RAB15: variants seen among roughly 807,000 people sequenced by gnomAD.
RAB15 encodes RAB15, member RAS oncogene family, also known as ras-related protein Rab-15.
In RAB15, 13 loss-of-function variants were observed where a neutral mutation model predicts 31.8. The ratio of observed to expected loss-of-function variants is 0.41; its 90% CI spans 0.27 to 0.65. The LOEUF (loss-of-function observed/expected upper bound fraction) is 0.65. RAB15 is among the 30% of genes least tolerant of loss of function. The pLI is 0.32. For synonymous variants in RAB15, 100 were observed against 105.6 expected (o/e 0.95, Z 0.33); for missense variants, 220 against 277.3 (o/e 0.79, Z 1.47).
In RAB15 at chr14:64,948,326, G is replaced by T. The variant is rs370219889; in HGVS notation, c.*28C>A. On this transcript the variant is annotated 3_prime_UTR_variant, in exon 7 of 7. Transcript: ENST00000533601. This position sits in a 1 kb window ranked among gnomAD's most constrained non-coding sequence, Gnocchi z 7.0. ...CCACGGGCCTCCTGAGGGAAGAGGG[G>T]TGTCGTGTGGGGTGCCCCACACAGG... The T allele has an allele frequency of 6.3e-4, 923 of 1,476,128 alleles. 5 individuals carry two copies. The African/African-American group carries it at 0.011, about 18-fold the overall frequency. 91.4% of individuals were successfully genotyped at this position (1,476,128 alleles called of 1,614,324 possible).
At position 64,953,041 on chromosome 14, in the gene RAB15, CAG is replaced by C. The variant is rs1229240278; in HGVS notation, c.125-472_125-471del. Among the ~76,000 whole-genome samples the C allele has an allele frequency of 6.6e-6, 1 of 152,198 alleles. No homozygotes were observed. Among genetic ancestry groups the C allele is most frequent in the East Asian group, 1.9e-4 (1 of 5,208 alleles). ...TAATAACCAGAAGGGGTCATAGTGC[CAG>C]ACTGTGGAGAGAGAGGAGGGCTCTT... On this transcript the variant is annotated intron_variant, in intron 1 of 6. Coordinates refer to ENST00000533601, the MANE Select transcript of RAB15 (RefSeq NM_001308154.2). The surrounding 1 kb of genome is among the most constrained non-coding windows in gnomAD (Gnocchi z 4.6).
chr14:64,960,692 G>A (rs1056260622), intron 1 of RAB15, among the ~76,000 whole-genome samples: 1 of 152,194 alleles, frequency 6.6e-6, no homozygotes, highest in Admixed American at 6.5e-5. Context: ...CAGCCGTCAA[G>A]CTCCCTTAGG....
intron 1 of RAB15, among the ~76,000 whole-genome samples, chr14:64,964,242 G>A (rs1042367722): frequency 2.6e-5 from 4 of 152,140 alleles, no homozygotes; most frequent in Admixed American, 2.0e-4. Context: ...CCCACTTTTA[G>A]GCCGGGCGTG....
At position 64,968,791 on chromosome 14, in the gene RAB15, C is replaced by T. The variant is rs1444484221; in HGVS notation, c.124+3162G>A. On this transcript the variant is annotated intron_variant, in intron 1 of 6. Transcript: ENST00000533601. The surrounding 1 kb of genome is among the most constrained non-coding windows in gnomAD (Gnocchi z 4.9). The stretch of plus-strand genomic sequence containing the variant: ...TATTTTGGGGACCCCTTCGCACCAA[C>T]CCCCAGCCAGGCCAGCACAGCTGCA... Among the ~76,000 whole-genome samples, 1 of 152,218 alleles carries T rather than the reference C, an allele frequency of 6.6e-6. No individual in the cohort carries two copies. The highest frequency in any genetic ancestry group is 2.4e-5 in the African/African-American group (1 of 41,454).
chr14:64,948,705 T>G lies in RAB15; in HGVS notation c.443A>C (p.Tyr148Ser). The G allele has an allele frequency of 6.2e-7, 1 of 1,614,114 alleles. No homozygotes were observed. Among genetic ancestry groups the G allele is most frequent in the Non-Finnish European group, 8.5e-7 (1 of 1,180,030 alleles). Residue 148 changes from tyrosine to serine, a missense_variant, in exon 6 of 7, where the codon TAT becomes TCT. Tyr to Ser is a moderately radical substitution (Grantham distance 144, BLOSUM62 -2). Transcript: ENST00000533601. This position sits in a 1 kb window ranked among gnomAD's most constrained non-coding sequence, Gnocchi z 7.0. Reference sequence around the variant, plus strand: ...GAGGTTGGTGCAGGCACTTGTTTCATAGAAGTCCATGCCATACTCCTTCGC... The same window carrying G: ...GAGGTTGGTGCAGGCACTTGTTTCAGAGAAGTCCATGCCATACTCCTTCGC... ...QLAKEYGMDFYETSACTNLNI... is the reference protein window; with the variant it reads ...QLAKEYGMDFSETSACTNLNI...
rs539526034 is a variant in RAB15, at chr14:64,971,548, T to C, written c.124+405A>G. On this transcript the variant is annotated intron_variant, in intron 1 of 6. Transcript: ENST00000533601. This position sits in a 1 kb window ranked among gnomAD's most constrained non-coding sequence, Gnocchi z 4.1. ...CACCACAGAACCAAGGGCGCCTCAGTGACTCCGGTCTCCACCCTGACCCCC... is the reference window on the plus strand; with the variant it reads ...CACCACAGAACCAAGGGCGCCTCAGCGACTCCGGTCTCCACCCTGACCCCC... 6.6e-6 allele frequency among the ~76,000 whole-genome samples: 1 copy of C among 151,428 alleles called. No homozygotes were observed. Among genetic ancestry groups the C allele is most frequent in the African/African-American group, 2.4e-5 (1 of 41,214 alleles).
rs999084922 is a variant in RAB15 at position 64,958,637 on chromosome 14, G to A, written c.125-6066C>T. Among the ~76,000 whole-genome samples, 3 of 152,250 alleles carry A rather than the reference G, an allele frequency of 2.0e-5. No individual in the cohort carries two copies. The highest frequency in any genetic ancestry group is 6.5e-5 in the Admixed American group (1 of 15,282). On this transcript the variant is annotated intron_variant, in intron 1 of 6. Transcript: ENST00000533601. The surrounding 1 kb of genome is among the most constrained non-coding windows in gnomAD (Gnocchi z 4.4). ...TAAGTCCAGATTCATCACCCCGACAGTGTCCCTACAAAACAGTCTACTTCC... is the reference window on the plus strand; with the variant it reads ...TAAGTCCAGATTCATCACCCCGACAATGTCCCTACAAAACAGTCTACTTCC...
rs908694533 is a variant in RAB15 at position 64,946,733 on chromosome 14, A to G, written c.*1621T>C. On this transcript the variant is annotated 3_prime_UTR_variant, in exon 7 of 7. Transcript: ENST00000533601. The stretch of plus-strand genomic sequence containing the variant: ...TTGGTTCTTAGTTGATGAATACTCA[A>G]CACCCAGTTCTTTGTTTTGGCTGCA... 1 of 152,300 alleles carries G rather than the reference A, an allele frequency of 6.6e-6. No individual in the cohort carries two copies. Among genetic ancestry groups the G allele is most frequent in the Admixed American group, 6.6e-5 (1 of 15,254 alleles). The allele number at this position is 152,300 out of a possible 1,614,324, so 9.4% of individuals were successfully genotyped here. A position where few individuals can be genotyped will look rare whatever the true frequency, so the allele number is the denominator to read the frequency against.
rs955609322 is a variant in RAB15 at position 64,953,088 on chromosome 14, G to A, written c.125-517C>T. Among the ~76,000 whole-genome samples, 1 of 152,144 alleles carries A rather than the reference G, an allele frequency of 6.6e-6. No homozygotes were observed. Among genetic ancestry groups the A allele is most frequent in the Non-Finnish European group, 1.5e-5 (1 of 68,030 alleles). On this transcript the variant is annotated intron_variant, in intron 1 of 6. Transcript: ENST00000533601. This position sits in a 1 kb window ranked among gnomAD's most constrained non-coding sequence, Gnocchi z 4.6. ...GCTCTTCCAACCCATGATTGTACCTGAAGCCTCAGCACCCAGCCAAGGCTC... is the reference window on the plus strand; with the variant it reads ...GCTCTTCCAACCCATGATTGTACCTAAAGCCTCAGCACCCAGCCAAGGCTC...
chr14:64,966,532 T>A (rs4899157), intron 1 of RAB15, among the ~76,000 whole-genome samples: 52,089 of 143,982 alleles, frequency 0.36, 9,685 homozygotes, highest in East Asian at 0.63. Context: ...CAAAAAAAAA[T>A]AAATAAATAA....
At chr14:64,965,606 A>G (rs1260425275) in intron 1 of RAB15, among the ~76,000 whole-genome samples, 3 of 152,222 alleles carry the variant, frequency 2.0e-5, no homozygotes, top group Non-Finnish European at 4.4e-5. Flanking sequence ...AGGCCTATAC[A>G]GAAAACTGGC....
Position 64,951,207 on chromosome 14 carries a change from G to T in RAB15, c.247-56C>A. ...ATGCACAGAGAGAGTGCAGTCATGGGGCCAGAAGGGGCCGTGGAAACTTAA... is the reference window on the plus strand; with the variant it reads ...ATGCACAGAGAGAGTGCAGTCATGGTGCCAGAAGGGGCCGTGGAAACTTAA... On this transcript the variant is annotated intron_variant, in intron 3 of 6. Coordinates refer to ENST00000533601, the MANE Select transcript of RAB15 (RefSeq NM_001308154.2). This position sits in a 1 kb window ranked among gnomAD's most constrained non-coding sequence, Gnocchi z 7.2. The T allele has an allele frequency of 1.4e-6, 2 of 1,406,940 alleles. No individual in the cohort carries two copies. Among genetic ancestry groups the T allele is most frequent in the Non-Finnish European group, 9.9e-7 (1 of 1,005,648 alleles). The allele number at this position is 1,406,940 out of a possible 1,614,324, so 87.2% of individuals were successfully genotyped here.
Position 64,970,614 on chromosome 14 carries a change from C to T in RAB15, c.124+1339G>A, listed in dbSNP as rs539779501. ...AGCAGTAAGAACAATCAGCATTTAT[C>T]GAGCTTCACCATGTGTCTGGCTGTG... On this transcript the variant is annotated intron_variant, in intron 1 of 6. Coordinates refer to ENST00000533601, the MANE Select transcript of RAB15 (RefSeq NM_001308154.2). This position sits in a 1 kb window ranked among gnomAD's most constrained non-coding sequence, Gnocchi z 4.1. 1.3e-5 allele frequency among the ~76,000 whole-genome samples: 2 copies of T among 152,326 alleles called. No individual in the cohort carries two copies. Among genetic ancestry groups the T allele is most frequent in the African/African-American group, 2.4e-5 (1 of 41,578 alleles).
At chr14:64,957,930 C>G (rs967818307) in intron 1 of RAB15, 3 of 152,250 alleles carry the variant, frequency 2.0e-5, no homozygotes, top group Non-Finnish European at 4.4e-5. Context: ...TCCCGCACAC[C>G]CTGGCATACC....
rs1003330841 is a variant in RAB15, at chr14:64,968,627, G to T, written c.124+3326C>A. 2.6e-5 allele frequency among the ~76,000 whole-genome samples: 4 copies of T among 152,084 alleles called. No homozygotes were observed. The highest frequency in any genetic ancestry group is 4.4e-5 in the Non-Finnish European group (3 of 68,018). ...TATCTCATTTTGGCACTAGCTCTTT[G>T]TTTTTTGTTTTTCCCTTTGTCTTGC... On this transcript the variant is annotated intron_variant, in intron 1 of 6. Transcript: ENST00000533601. This position sits in a 1 kb window ranked among gnomAD's most constrained non-coding sequence, Gnocchi z 4.9.
At position 64,958,934 on chromosome 14, in the gene RAB15, G is replaced by A. The variant is rs1886715981; in HGVS notation, c.125-6363C>T. 6.6e-6 allele frequency among the ~76,000 whole-genome samples: 1 copy of A among 152,222 alleles called. No homozygotes were observed. The highest frequency in any genetic ancestry group is 2.4e-5 in the African/African-American group (1 of 41,460). On this transcript the variant is annotated intron_variant, in intron 1 of 6. Transcript: ENST00000533601. This position sits in a 1 kb window ranked among gnomAD's most constrained non-coding sequence, Gnocchi z 4.4. ...CCCCAAACCTCTGCTCAGAGAAGCA[G>A]GGCTGGGTGCAACATGTTCTTTGTG...
In RAB15 at chr14:64,954,081, G is replaced by A. The variant is rs181998117; in HGVS notation, c.125-1510C>T. On this transcript the variant is annotated intron_variant, in intron 1 of 6. Transcript: ENST00000533601. The surrounding 1 kb of genome is among the most constrained non-coding windows in gnomAD (Gnocchi z 4.3). ...AGACCAATCATCATTTAATTACAAG[G>A]GAAAAAAGATGCAGAACGGGCAACC... The A allele has an allele frequency of 4.0e-4, 390 of 985,382 alleles. 2 individuals are homozygous for A. The highest frequency in any genetic ancestry group is 5.2e-4 in the Middle Eastern group (1 of 1,914). The allele number at this position is 985,382 out of a possible 1,614,324, so 61.0% of individuals were successfully genotyped here.
Position 64,962,372 on chromosome 14 carries a change from A to G in RAB15, c.124+9581T>C, listed in dbSNP as rs368983996. Among the ~76,000 whole-genome samples, 44 of 152,348 alleles carry G rather than the reference A, an allele frequency of 2.9e-4. No individual in the cohort carries two copies. The highest frequency in any genetic ancestry group is 1.1e-3 in the African/African-American group (44 of 41,572). ...TTCAAACTGTTATTGAATGCTTACAATGTGCCAGGAACTAAGCCAGGTACT... is the reference window on the plus strand; with the variant it reads ...TTCAAACTGTTATTGAATGCTTACAGTGTGCCAGGAACTAAGCCAGGTACT... On this transcript the variant is annotated intron_variant, in intron 1 of 6. Coordinates refer to ENST00000533601, the MANE Select transcript of RAB15 (RefSeq NM_001308154.2). The surrounding 1 kb of genome is among the most constrained non-coding windows in gnomAD (Gnocchi z 4.2).
In RAB15 at chr14:64,948,533, G is replaced by T; in HGVS notation, c.481-21C>A. On this transcript the variant is annotated intron_variant, in intron 6 of 6. Coordinates refer to ENST00000533601, the MANE Select transcript of RAB15 (RefSeq NM_001308154.2). This position sits in a 1 kb window ranked among gnomAD's most constrained non-coding sequence, Gnocchi z 7.0. ...AATGACTGGAAACCAAAGGGCACAG[G>T]TTAGTCCAGTGTCTCCTCCTCTCCC... 6.2e-7 allele frequency: 1 copy of T among 1,602,598 alleles called. No individual in the cohort carries two copies. The highest frequency in any genetic ancestry group is 1.7e-5 in the Admixed American group (1 of 59,100).
Sources: gnomAD v4.1 joint callset for allele counts (sites outside exome capture counted in the v4.1 genomes callset) on GRCh38, gnomAD v4.1.1 for gene constraint, Gnocchi (gnomAD v3.1) non-coding constraint, MANE v1.5 for transcripts, NCBI Gene and HGNC (gene_info 2026-07-23, HGNC 2026-07-21) for gene names.